Variants in GARIN1A observed in about 807,000 individuals in gnomAD.
GARIN1A encodes golgi associated RAB2 interactor 1A.
the GARIN1A span, among the ~76,000 whole-genome samples, chr7:128,708,202 T>C: frequency 1.3e-5 from 2 of 150,330 alleles, no homozygotes; most frequent in Non-Finnish European, 3.0e-5. Context: ...TTTTTTTTAA[T>C]TTTTAGTAGA....
the GARIN1A span, among the ~76,000 whole-genome samples, chr7:128,675,116 G>A: frequency 6.6e-6 from 1 of 152,048 alleles, no homozygotes; most frequent in Non-Finnish European, 1.5e-5. Flanking sequence ...CCCAGTGGTG[G>A]GCATCCAGTC....
the GARIN1A span, chr7:128,677,813 A>C: frequency 6.2e-7 from 1 of 1,613,024 alleles, no homozygotes; most frequent in Non-Finnish European, 8.5e-7. Flanking sequence ...CAGAAACAAC[A>C]GTAAGTGGGC....
the GARIN1A span, among the ~76,000 whole-genome samples, chr7:128,688,160 C>T: frequency 0.16 from 23,868 of 151,966 alleles, 2,283 homozygotes; most frequent in African/African-American, 0.26. Context: ...TAAAGGCACG[C>T]GCCACCACAT....
chr7:128,701,926 CA>C, the GARIN1A span, among the ~76,000 whole-genome samples: 7 of 151,964 alleles, frequency 4.6e-5, no homozygotes, highest in Admixed American at 1.3e-4. Context: ...ATATCCTACA[CA>C]AAAATAAGAA....
the GARIN1A span, chr7:128,687,532 A>G: frequency 1.1e-4 from 17 of 152,382 alleles, no homozygotes; most frequent in African/African-American, 4.1e-4. Context: ...GAGGAGTGTT[A>G]CAAGAAGACC....
At chr7:128,706,161 G>A in the GARIN1A span, among the ~76,000 whole-genome samples, 25 of 152,260 alleles carry the variant, frequency 1.6e-4, no homozygotes, top group South Asian at 4.6e-3. Context: ...AGCACCTCCA[G>A]GCTGTCTTCT....
the GARIN1A span, among the ~76,000 whole-genome samples, chr7:128,707,580 C>T: frequency 6.6e-6 from 1 of 152,120 alleles, no homozygotes; most frequent in Non-Finnish European, 1.5e-5. Flanking sequence ...AATCCTCCCA[C>T]CTCAGCCTGG....
the GARIN1A span, among the ~76,000 whole-genome samples, chr7:128,696,972 C>G: frequency 1.3e-5 from 2 of 152,276 alleles, no homozygotes; most frequent in Non-Finnish European, 2.9e-5. Flanking sequence ...GGAAGTTAAC[C>G]ATCATGTAAA....
At chr7:128,699,273 C>CCA in the GARIN1A span, among the ~76,000 whole-genome samples, 1 of 101,308 alleles carries the variant, frequency 9.9e-6, no homozygotes. Context: ...CCCCCCCCCC[C>CCA]ACCACCAAAA....
the GARIN1A span, among the ~76,000 whole-genome samples, chr7:128,697,111 A>G: frequency 1.3e-5 from 2 of 152,096 alleles, no homozygotes; most frequent in Non-Finnish European, 2.9e-5. Context: ...AACCTATTTA[A>G]TAAGTGGGGT....
the GARIN1A span, among the ~76,000 whole-genome samples, chr7:128,676,383 C>T: frequency 6.6e-6 from 1 of 151,934 alleles, no homozygotes; most frequent in African/African-American, 2.4e-5. Flanking sequence ...GTCCTTGTCT[C>T]GAGCCTGGTT....
At chr7:128,701,467 A>G in the GARIN1A span, among the ~76,000 whole-genome samples, 1 of 134,152 alleles carries the variant, frequency 7.5e-6, no homozygotes, top group Non-Finnish European at 1.6e-5. Context: ...AAGGGAAGGG[A>G]AGGGAAGGGG....
At chr7:128,679,148 AT>A in the GARIN1A span, among the ~76,000 whole-genome samples, 2 of 150,244 alleles carry the variant, frequency 1.3e-5, no homozygotes, top group Non-Finnish European at 3.0e-5. Flanking sequence ...TTCTTTGGCC[AT>A]TTTTCTATTG....
chr7:128,679,062 T>C, the GARIN1A span, among the ~76,000 whole-genome samples: 4 of 134,808 alleles, frequency 3.0e-5, no homozygotes, highest in East Asian at 5.9e-4. Flanking sequence ...TGTTATGTAT[T>C]TGTAGTTATA....
chr7:128,673,045 G>A, the GARIN1A span, among the ~76,000 whole-genome samples: 1 of 152,202 alleles, frequency 6.6e-6, no homozygotes. Context: ...AGCCTGGGAT[G>A]GGGCCACTGG....
At chr7:128,675,657 C>T in the GARIN1A span, 1 of 1,612,520 alleles carries the variant, frequency 6.2e-7, no homozygotes. Context: ...GACCCATGTA[C>T]CTGAGGCTGA....
the GARIN1A span, among the ~76,000 whole-genome samples, chr7:128,681,106 G>A: frequency 6.6e-6 from 1 of 152,192 alleles, no homozygotes; most frequent in Non-Finnish European, 1.5e-5. Flanking sequence ...CTTGCCCCTG[G>A]ATAAAAGCTG....
At chr7:128,675,935 A>T in the GARIN1A span, 1 of 1,087,988 alleles carries the variant, frequency 9.2e-7, no homozygotes, top group South Asian at 1.4e-5. Context: ...TGGATTTTAG[A>T]TCAAAAGAAA....
chr7:128,673,955 A>T, the GARIN1A span, among the ~76,000 whole-genome samples: 1 of 151,958 alleles, frequency 6.6e-6, no homozygotes, highest in Admixed American at 6.6e-5. Flanking sequence ...TTGCCCTGGC[A>T]TGGTCTAGGC....
Sources: allele counts gnomAD v4.1 joint callset (sites outside exome capture counted in the v4.1 genomes callset), GRCh38; gene constraint gnomAD v4.1.1; transcripts MANE v1.5; gene names NCBI Gene and HGNC (gene_info 2026-07-23, HGNC 2026-07-21).